Variants in UBR4 observed in about 807,000 individuals in gnomAD.
The protein encoded by UBR4 is E3 ubiquitin-protein ligase UBR4.
UBR4 carries 124 observed loss-of-function variants against 575.6 expected under a neutral mutation model. That is an observed-to-expected ratio of 0.22 (90% CI 0.19 to 0.25). The LOEUF is 0.25. UBR4 is among the 10% of genes least tolerant of loss of function. The probability of loss-of-function intolerance (pLI) is 1.00; values close to 1 mark genes in which losing one functional copy is unlikely to be tolerated. For synonymous variants in UBR4, 2,455 were observed against 2,473.7 expected (o/e 0.99, Z 0.22); for missense variants, 4,818 against 6,478.8 (o/e 0.74, Z 8.80).
chr1:19,140,754 G>C, intron 58 of UBR4, 34 bp downstream of exon 58: 7 of 1,593,226 alleles, frequency 4.4e-6, no homozygotes, highest in Non-Finnish European at 6.0e-6. Context: ...GGGTCCTGGG[G>C]CCCTGAGCCG....
At chr1:19,177,259 A>G (rs1279184200) in intron 19 of UBR4, among the ~76,000 whole-genome samples, 2 of 152,198 alleles carry the variant, frequency 1.3e-5, no homozygotes, top group Non-Finnish European at 2.9e-5. Flanking sequence ...CAAAAAATGC[A>G]TCAAATCAAG....
intron 105 of UBR4, chr1:19,075,488 G>C (rs999099902): frequency 6.8e-5 from 11 of 161,062 alleles, no homozygotes. Flanking sequence ...CATGTGCTAA[G>C]GTATGATGCT....
At chr1:19,186,702 T>G (rs748049215) in intron 13 of UBR4, 45 bp from the exon 14 acceptor site, 1 of 1,574,382 alleles carries the variant, frequency 6.4e-7, no homozygotes, top group Admixed American at 1.7e-5. Context: ...CTATTTAATC[T>G]CATGCATCGC....
rs373477934 is a variant in UBR4 at position 19,177,785 on chromosome 1, G to A, written c.2355-42C>T. 34 of 1,591,464 alleles carry A rather than the reference G, an allele frequency of 2.1e-5. No individual in the cohort carries two copies. In the African/African-American group the frequency reaches 4.2e-4, roughly 20 times the overall value. ...ATGACTATATCTGGTGGGAAAAAGAGCATTCCCCAGGAGTTATAATGTCAA... is the reference window on the plus strand; with the variant it reads ...ATGACTATATCTGGTGGGAAAAAGAACATTCCCCAGGAGTTATAATGTCAA... On this transcript the variant is annotated intron_variant, in intron 18 of 105. Transcript: ENST00000375254.
At chr1:19,137,036 C>T (rs1342706771) in intron 60 of UBR4, among the ~76,000 whole-genome samples, 2 of 152,198 alleles carry the variant, frequency 1.3e-5, no homozygotes, top group African/African-American at 4.8e-5. Context: ...CAGTGGCTCA[C>T]ACCTGTAATC....
intron 85 of UBR4, 64 bp downstream of exon 85, chr1:19,104,984 A>C (rs2079031674): frequency 3.8e-6 from 6 of 1,570,560 alleles, no homozygotes; most frequent in Middle Eastern, 1.7e-4. Context: ...ACCATAGTAG[A>C]GTTTACATCA....
At chr1:19,087,549 CAA>C (rs1230024645) in intron 99 of UBR4, among the ~76,000 whole-genome samples, 1 of 152,218 alleles carries the variant, frequency 6.6e-6, no homozygotes, top group African/African-American at 2.4e-5. Flanking sequence ...CCAGTTTACA[CAA>C]AGCTCTGAGC....
rs145181253 is a variant in UBR4, at chr1:19,172,929, A to G, written c.3456T>C (p.Ser1152=). The G allele has an allele frequency of 3.1e-5, 50 of 1,614,034 alleles. No homozygotes were observed. In the African/African-American group the frequency reaches 5.2e-4, roughly 17 times the overall value. ...MAAETDPHKS[S]EITKNLLPAT... ...CTGGAAGTAGGTTCTTGGTAATCTC[A>G]GACGACTTATGAGGATCAGTCTCAG... Residue 1152 remains serine, a synonymous_variant, in exon 25 of 106, where the codon TCT becomes TCC. Coordinates refer to ENST00000375254, the MANE Select transcript of UBR4 (RefSeq NM_020765.3).
chr1:19,107,730 A>G (rs2079383810), intron 81 of UBR4, among the ~76,000 whole-genome samples: 1 of 152,104 alleles, frequency 6.6e-6, no homozygotes, highest in South Asian at 2.1e-4. Context: ...GTTTGCAGTG[A>G]GCCGAGATCA....
At chr1:19,195,904 G>A (rs2092418616) in intron 8 of UBR4, among the ~76,000 whole-genome samples, 1 of 151,050 alleles carries the variant, frequency 6.6e-6, no homozygotes, top group Non-Finnish European at 1.5e-5. Context: ...ATTTCTAATT[G>A]AGTCTTACTT....
intron 18 of UBR4, 138 bp from the exon 19 acceptor site, chr1:19,177,881 T>A: frequency 9.0e-7 from 1 of 1,106,518 alleles, no homozygotes. Context: ...AAAGGCTACA[T>A]GGTAAAGACA....
chr1:19,103,116 T>C (rs898240543), intron 87 of UBR4, among the ~76,000 whole-genome samples: 5 of 152,150 alleles, frequency 3.3e-5, no homozygotes, highest in South Asian at 2.1e-4. Context: ...CTAAAAAATA[T>C]GAGGTCACAG....
rs372463500 is a variant in UBR4 at position 19,121,444 on chromosome 1, G to A, written c.9896-10C>T. 2.5e-6 allele frequency: 4 copies of A among 1,610,052 alleles called. No individual in the cohort carries two copies. The African/African-American group carries it at 5.3e-5, about 22-fold the overall frequency. ...AGGAAGTACAGGACGGCTGCAAGCA[G>A]AGGAGACAGAGGCTCACCTCTGAGA... On this transcript the variant is annotated splice_polypyrimidine_tract_variant and intron_variant, in intron 67 of 105. Transcript: ENST00000375254.
At position 19,089,042 on chromosome 1, in the gene UBR4, C is replaced by G; in HGVS notation, c.14212-65G>C. 3 of 1,543,408 alleles carry G rather than the reference C, an allele frequency of 1.9e-6. No homozygotes were observed. The highest frequency in any genetic ancestry group is 2.6e-6 in the Non-Finnish European group (3 of 1,132,634). On this transcript the variant is annotated intron_variant, in intron 97 of 105. Transcript: ENST00000375254. This position sits in a 1 kb window ranked among gnomAD's most constrained non-coding sequence, Gnocchi z 4.3. ...TGTAGACAAACCTTCTTCCCGGGAG[C>G]TTAAAGGTTTAGAAACTCAACCAGC... is the stretch of plus-strand genomic sequence containing the variant.
intron 81 of UBR4, among the ~76,000 whole-genome samples, chr1:19,108,536 G>C (rs1339434530): frequency 6.6e-6 from 1 of 152,100 alleles, no homozygotes; most frequent in Non-Finnish European, 1.5e-5. Flanking sequence ...GCATTAAATA[G>C]ATTAGTACCC....
At chr1:19,077,751 C>G (rs1469906176) in intron 104 of UBR4, 1 of 1,464,822 alleles carries the variant, frequency 6.8e-7, no homozygotes, top group Non-Finnish European at 9.1e-7. Context: ...CCAAACCAAA[C>G]CAAACCAAAC....
In UBR4 at chr1:19,164,414, A is replaced by G; in HGVS notation, c.4539T>C (p.Val1513=). 1 of 1,614,150 alleles carries G rather than the reference A, an allele frequency of 6.2e-7. No individual in the cohort carries two copies. The highest frequency in any genetic ancestry group is 8.5e-7 in the Non-Finnish European group (1 of 1,180,012). ...CCATGGGAGTCAGGGTGCCCAGAAGAACAGCACACACACCTTCCCCAACTT... is the reference window on the plus strand; with the variant it reads ...CCATGGGAGTCAGGGTGCCCAGAAGGACAGCACACACACCTTCCCCAACTT... ...NSQVGEGVCA[V]LLGTLTPMAT... The change falls in exon 33 of 106, where the codon GTT becomes GTC. Residue 1513 remains valine (V), a synonymous_variant. Transcript: ENST00000375254.
intron 17 of UBR4, among the ~76,000 whole-genome samples, chr1:19,182,766 G>T (rs1404690578): frequency 6.6e-6 from 1 of 152,076 alleles, no homozygotes; most frequent in African/African-American, 2.4e-5. Context: ...CAATATAGAT[G>T]AATCTTGGCA....
At chr1:19,118,655 A>AT in intron 71 of UBR4, 1 of 580,768 alleles carries the variant, frequency 1.7e-6, no homozygotes, top group Middle Eastern at 4.0e-4. Context: ...ACCTTTCTAC[A>AT]TTACTACTCA....
Sources: gnomAD v4.1 joint callset for allele counts (sites outside exome capture counted in the v4.1 genomes callset) on GRCh38, gnomAD v4.1.1 for gene constraint, Gnocchi (gnomAD v3.1) non-coding constraint, MANE v1.5 for transcripts, NCBI Gene and HGNC (gene_info 2026-07-23, HGNC 2026-07-21) for gene names.